SCFD1: variants seen among roughly 807,000 people sequenced by gnomAD.
The protein encoded by SCFD1 is sec1 family domain-containing protein 1.
Under a neutral mutation model 103.2 loss-of-function variants are expected in SCFD1, and 37 were observed. The observed-to-expected ratio is 0.36, with a 90% CI of 0.28 to 0.47. The LOEUF is 0.47. Ranked by LOEUF, SCFD1 falls within the 20% of genes least tolerant of loss-of-function variation. The pLI, the probability that SCFD1 is intolerant of heterozygous loss-of-function variation, is 1.00. For missense variants in SCFD1, 639 were observed against 761.2 expected (o/e 0.84, Z 1.89); for synonymous variants, 264 against 245.0 (o/e 1.08, Z -0.73).
intron 2 of SCFD1, among the ~76,000 whole-genome samples, 182 bp downstream of exon 2, chr14:30,628,461 A>G (rs1263214809): frequency 6.6e-6 from 1 of 152,228 alleles, no homozygotes; most frequent in African/African-American, 2.4e-5. Context: ...GGAGTGAGAC[A>G]AGTGATAAAA....
intron 18 of SCFD1, 22 bp from the exon 19 acceptor site, chr14:30,707,968 C>T (rs1250057203): frequency 6.4e-7 from 1 of 1,559,272 alleles, no homozygotes; most frequent in Non-Finnish European, 8.8e-7. Flanking sequence ...TAGAATGGTC[C>T]TTCTCTTTTG....
chr14:30,625,070 A>T lies in SCFD1; in HGVS notation c.61+2671A>T, dbSNP rs577771324. ...AAGCACTTACCATGATCTACATACCATATGTTTTACTTTTTTTTTATTTTA... is the reference window on the plus strand; with the variant it reads ...AAGCACTTACCATGATCTACATACCTTATGTTTTACTTTTTTTTTATTTTA... On this transcript the variant is annotated intron_variant, in intron 1 of 24. Coordinates refer to ENST00000458591, the MANE Select transcript of SCFD1 (RefSeq NM_016106.4). Among the ~76,000 whole-genome samples the T allele has an allele frequency of 2.0e-5, 3 of 152,000 alleles. No individual in the cohort carries two copies. In the South Asian group the frequency reaches 6.2e-4, roughly 32 times the overall value.
At chr14:30,724,946 G>A (rs780795965) in intron 23 of SCFD1, among the ~76,000 whole-genome samples, 2 of 152,024 alleles carry the variant, frequency 1.3e-5, no homozygotes, top group Non-Finnish European at 2.9e-5. Context: ...ATAGGGAGTC[G>A]TTTCTCCATT....
At chr14:30,724,244 G>GTTTTT (rs1268662400) in intron 23 of SCFD1, among the ~76,000 whole-genome samples, 43 of 127,220 alleles carry the variant, frequency 3.4e-4, no homozygotes, top group African/African-American at 1.4e-3. Context: ...CTTTTTTATG[G>GTTTTT]GTTTTTTTTT....
intron 17 of SCFD1, among the ~76,000 whole-genome samples, chr14:30,704,511 G>A (rs28649144): frequency 0.049 from 7,485 of 152,038 alleles, 593 homozygotes; most frequent in African/African-American, 0.17. Context: ...ATTGTTTCTA[G>A]TGAAAAACTA....
In SCFD1 at chr14:30,697,063, A is replaced by T. The variant is rs1890751447; in HGVS notation, c.1339+2194A>T. 2.6e-5 allele frequency among the ~76,000 whole-genome samples: 4 copies of T among 151,618 alleles called. No homozygotes were observed. In the South Asian group the frequency reaches 8.3e-4, roughly 31 times the overall value. On this transcript the variant is annotated intron_variant, in intron 15 of 24. Transcript: ENST00000458591. ...AGATACAGAAATAAATATAGATTGTATGTTGGGGGGGGCGGTGTATACTCA... is the reference window on the plus strand; with the variant it reads ...AGATACAGAAATAAATATAGATTGTTTGTTGGGGGGGGCGGTGTATACTCA...
chr14:30,644,303 T>G (rs1885588896), intron 7 of SCFD1, among the ~76,000 whole-genome samples: 1 of 152,232 alleles, frequency 6.6e-6, no homozygotes, highest in Non-Finnish European at 1.5e-5. Context: ...ATTACAGCAA[T>G]GAACATATGG....
At chr14:30,712,359 C>G (rs1891942208) in intron 19 of SCFD1, among the ~76,000 whole-genome samples, 1 of 152,098 alleles carries the variant, frequency 6.6e-6, no homozygotes, top group Non-Finnish European at 1.5e-5. Context: ...TCATCTGAAG[C>G]CCAGGGCTGC....
chr14:30,645,124 C>T lies in SCFD1; in HGVS notation c.613+1719C>T, dbSNP rs368554782. On this transcript the variant is annotated intron_variant, in intron 7 of 24. Coordinates refer to ENST00000458591, the MANE Select transcript of SCFD1 (RefSeq NM_016106.4). ...TATTGCTTGTTATTATCAACATTGT[C>T]GAAGATCAGATGGTTGTAGGTATGT... Among the ~76,000 whole-genome samples, 443 of 152,148 alleles carry T rather than the reference C, an allele frequency of 2.9e-3. 2 individuals are homozygous for T. The highest frequency in any genetic ancestry group is 0.017 in the South Asian group (83 of 4,826).
intron 14 of SCFD1, among the ~76,000 whole-genome samples, chr14:30,693,362 G>A (rs1890455537): frequency 6.6e-6 from 1 of 152,162 alleles, no homozygotes; most frequent in Non-Finnish European, 1.5e-5. Flanking sequence ...AGAGGACGGG[G>A]TGAAAAATAA....
chr14:30,660,060 C>T (rs189423848), intron 10 of SCFD1, among the ~76,000 whole-genome samples: 16 of 152,200 alleles, frequency 1.1e-4, no homozygotes, highest in African/African-American at 3.1e-4. Context: ...GTGATATACC[C>T]GCTCTGTATT....
At chr14:30,693,955 A>T (rs1003378240) in intron 14 of SCFD1, among the ~76,000 whole-genome samples, 4 of 152,186 alleles carry the variant, frequency 2.6e-5, no homozygotes, top group Non-Finnish European at 5.9e-5. Context: ...AATTTTAATC[A>T]ACAAAATTTT....
chr14:30,679,921 A>G (rs1164100042), intron 14 of SCFD1, among the ~76,000 whole-genome samples: 1 of 152,172 alleles, frequency 6.6e-6, no homozygotes, highest in Non-Finnish European at 1.5e-5. Context: ...TTCACAGTGG[A>G]TGAGCTATCA....
chr14:30,683,016 C>T (rs2070340), intron 14 of SCFD1: 338,934 of 1,208,864 alleles, frequency 0.28, 53,551 homozygotes, highest in East Asian at 0.59. Flanking sequence ...GTTAAAAAGA[C>T]GACACAAGGA....
intron 14 of SCFD1, among the ~76,000 whole-genome samples, chr14:30,692,196 A>ATAC (rs761512697): frequency 1.9e-3 from 283 of 152,214 alleles, no homozygotes; most frequent in Non-Finnish European, 3.5e-3. Context: ...CTTGGTCTGT[A>ATAC]TACACCCCGT....
At chr14:30,676,136 T>G (rs893555324) in intron 14 of SCFD1, 1 of 152,180 alleles carries the variant, frequency 6.6e-6, no homozygotes, top group Non-Finnish European at 1.5e-5. Flanking sequence ...GATACAGATA[T>G]AGATGTATAG....
intron 14 of SCFD1, chr14:30,683,166 C>T: frequency 9.0e-7 from 1 of 1,110,758 alleles, no homozygotes; most frequent in South Asian, 1.3e-5. Context: ...GTTGGGTTCT[C>T]CTAGTAGGCT....
intron 8 of SCFD1, among the ~76,000 whole-genome samples, chr14:30,649,928 T>C (rs913018302): frequency 1.1e-4 from 16 of 152,220 alleles, no homozygotes; most frequent in African/African-American, 3.6e-4. Context: ...TTAGCAAATA[T>C]TACTAATCAT....
At chr14:30,635,314 A>C (rs994291940) in intron 4 of SCFD1, among the ~76,000 whole-genome samples, 1 of 152,180 alleles carries the variant, frequency 6.6e-6, no homozygotes, top group African/African-American at 2.4e-5. Context: ...TGTATGGTTC[A>C]TTGGTTTTTA....
Sources: allele counts gnomAD v4.1 joint callset (sites outside exome capture counted in the v4.1 genomes callset), GRCh38; gene constraint gnomAD v4.1.1; transcripts MANE v1.5; gene names NCBI Gene and HGNC (gene_info 2026-07-23, HGNC 2026-07-21).